USP28: variants seen among roughly 807,000 people sequenced by gnomAD.
USP28 encodes the protein ubiquitin carboxyl-terminal hydrolase 28.
In USP28, 113 loss-of-function variants were observed where a neutral mutation model predicts 145.0. The observed-to-expected ratio is 0.78, with a 90% CI of 0.67 to 0.91. USP28 has a LOEUF of 0.91. Ranked by LOEUF, USP28 falls within the 40% of genes least tolerant of loss-of-function variation. The probability of loss-of-function intolerance (pLI) is 0.00; values close to 1 mark genes in which losing one functional copy is unlikely to be tolerated. For synonymous variants in USP28, 447 were observed against 450.9 expected (o/e 0.99, Z 0.11); for missense variants, 1,201 against 1,289.6 (o/e 0.93, Z 1.05).
intron 11 of USP28, among the ~76,000 whole-genome samples, chr11:113,825,885 T>C (rs1943227030): frequency 6.6e-6 from 1 of 152,208 alleles, no homozygotes; most frequent in Non-Finnish European, 1.5e-5. Flanking sequence ...TTTTGGGTGC[T>C]GGAATGCCCT....
exon 1 of USP28, chr11:113,875,478 G>C: frequency 1.6e-6 from 2 of 1,230,626 alleles, no homozygotes; most frequent in Non-Finnish European, 2.0e-6. Flanking sequence ...CGGCCGCGTC[G>C]TCCTGCTGCA....
chr11:113,811,596 G>A (rs1940992792), intron 16 of USP28, among the ~76,000 whole-genome samples: 1 of 152,094 alleles, frequency 6.6e-6, no homozygotes, highest in African/African-American at 2.4e-5. Context: ...AGTGAGGCAG[G>A]AGAATCACTT....
chr11:113,848,842 G>C (rs1164657934), intron 3 of USP28, among the ~76,000 whole-genome samples: 1 of 152,196 alleles, frequency 6.6e-6, no homozygotes, highest in Non-Finnish European at 1.5e-5. Context: ...GAGAATTGAA[G>C]CTGAAGTGCT....
At chr11:113,853,011 G>A (rs143520602) in intron 2 of USP28, among the ~76,000 whole-genome samples, 125 of 152,284 alleles carry the variant, frequency 8.2e-4, no homozygotes, top group Non-Finnish European at 1.4e-3. Flanking sequence ...CAATAAAAAT[G>A]CCAAGCAGGG....
At chr11:113,817,573 T>G in intron 13 of USP28, 85 bp downstream of exon 13, 1 of 1,462,520 alleles carries the variant, frequency 6.8e-7, no homozygotes, top group African/African-American at 1.4e-5. Context: ...TATAGGTGAC[T>G]GTCAATCAAG....
Position 113,854,471 on chromosome 11 carries a change from G to A in USP28, c.58-136C>T, listed in dbSNP as rs1242640068. On this transcript the variant is annotated intron_variant, in intron 1 of 24. Coordinates refer to ENST00000003302, the Ensembl canonical transcript of USP28. ...GGCTGGAGTGCAGTGGCCGGATCTC[G>A]GCTCACTGCAACCTCCGCCTCCCAG... The A allele has an allele frequency of 2.0e-5, 14 of 703,730 alleles. No homozygotes were observed. In the East Asian group the frequency reaches 3.5e-4, roughly 18 times the overall value. 43.6% of individuals were successfully genotyped at this position (703,730 alleles called of 1,614,324 possible).
In USP28 at chr11:113,862,602, C is replaced by CGA. The variant is rs369214020; in HGVS notation, c.58-8269_58-8268dup. Among the ~76,000 whole-genome samples, 381 of 152,136 alleles carry CGA rather than the reference C, an allele frequency of 2.5e-3. 4 individuals carry two copies. The highest frequency in any genetic ancestry group is 8.7e-3 in the African/African-American group (361 of 41,480). ...GGGCTACTGAGTAAACGAACTGTGA[C>CGA]GAGAGAGGCAGGATGCTGGTAGGCA... On this transcript the variant is annotated intron_variant, in intron 1 of 24. Transcript: ENST00000003302.
chr11:113,867,815 GA>G (rs1565514417), intron 1 of USP28, among the ~76,000 whole-genome samples: 2 of 142,738 alleles, frequency 1.4e-5, no homozygotes, highest in Non-Finnish European at 3.1e-5. Context: ...GGGAGGGAGG[GA>G]GGGAGGAAGG....
chr11:113,838,077 C>T (rs1010671813), intron 5 of USP28, among the ~76,000 whole-genome samples: 1 of 152,152 alleles, frequency 6.6e-6, no homozygotes, highest in Non-Finnish European at 1.5e-5. Context: ...ACTCTCCTGC[C>T]CTTTTCCTTG....
chr11:113,808,223 T>C (rs948165755), intron 18 of USP28, 75 bp downstream of exon 18: 52 of 1,573,428 alleles, frequency 3.3e-5, no homozygotes, highest in Non-Finnish European at 4.4e-5. Flanking sequence ...CACAGAATAA[T>C]AGAAATGTGA....
At chr11:113,831,068 T>C in intron 8 of USP28, 125 bp from the exon 9 acceptor site, 1 of 844,754 alleles carries the variant, frequency 1.2e-6, no homozygotes, top group South Asian at 1.5e-5. Context: ...CCAGGTATGA[T>C]CTAAATAAGT....
chr11:113,824,232 A>G (rs1943035568), intron 11 of USP28, among the ~76,000 whole-genome samples: 1 of 152,142 alleles, frequency 6.6e-6, no homozygotes, highest in South Asian at 2.1e-4. Context: ...ATTACAAAAC[A>G]CTGTTGAGAG....
At chr11:113,875,393 C>G (rs1949277554) in intron 1 of USP28, 52 bp downstream of exon 1, 17 of 1,202,226 alleles carry the variant, frequency 1.4e-5, no homozygotes, top group Non-Finnish European at 1.8e-5. Context: ...CGCACGCTCC[C>G]CTCAGGGCCT....
intron 12 of USP28, chr11:113,821,733 G>T: frequency 5.0e-6 from 1 of 198,326 alleles, no homozygotes; most frequent in Admixed American, 4.8e-5. Flanking sequence ...CAACTTGGGT[G>T]TCTTGCTAGG....
intron 1 of USP28, chr11:113,874,664 C>T (rs1360483787): frequency 4.7e-6 from 6 of 1,264,864 alleles, no homozygotes; most frequent in Non-Finnish European, 6.1e-6. Context: ...TTATAACATT[C>T]CGAAGTAACA....
At position 113,815,479 on chromosome 11, in the gene USP28, A is replaced by G. The variant is rs190961264; in HGVS notation, c.1464-97T>C. 1.1e-4 allele frequency: 121 copies of G among 1,142,024 alleles called. 2 individuals carry two copies. In the Middle Eastern group the frequency reaches 1.7e-3, roughly 16 times the overall value. The allele number at this position is 1,142,024 out of a possible 1,614,324, so 70.7% of individuals were successfully genotyped here. A position where few individuals can be genotyped will look rare whatever the true frequency, so the allele number is the denominator to read the frequency against. ...AAAGCAAGATGCTATATGAAAAAGT[A>G]CAGGTATTCAGTGAGCATTAACTCT... On this transcript the variant is annotated intron_variant, in intron 13 of 24. Transcript: ENST00000003302.
exon 1 of USP28, chr11:113,875,563 T>G (rs1426342755): frequency 2.4e-5 from 26 of 1,098,662 alleles, no homozygotes; most frequent in Non-Finnish European, 2.8e-5. Flanking sequence ...GCCCAGCCTC[T>G]CAGGACTAGG....
chr11:113,851,032 T>C (rs1040267745), intron 3 of USP28, among the ~76,000 whole-genome samples: 3 of 152,182 alleles, frequency 2.0e-5, no homozygotes, highest in Admixed American at 2.0e-4. Flanking sequence ...GAAAAAAATT[T>C]TTGAGTCACC....
chr11:113,808,927 C>A, intron 17 of USP28, 136 bp downstream of exon 17: 2 of 788,576 alleles, frequency 2.5e-6, no homozygotes, highest in Non-Finnish European at 4.0e-6. Flanking sequence ...TCAGGTTGTA[C>A]CTGGCATACC....
Sources: allele counts gnomAD v4.1 joint callset (sites outside exome capture counted in the v4.1 genomes callset), GRCh38; gene constraint gnomAD v4.1.1; transcripts MANE v1.5; gene names NCBI Gene and HGNC (gene_info 2026-07-23, HGNC 2026-07-21).